Variants in CAV1 observed in about 807,000 individuals in gnomAD.
The protein encoded by CAV1 is caveolin 1, also known as caveolin-1.
A neutral mutation model predicts 16.5 loss-of-function variants in CAV1; 10 were observed. That is an observed-to-expected ratio of 0.61 (90% confidence interval 0.37 to 1.03). The LOEUF (loss-of-function observed/expected upper bound fraction) is 1.03, where lower values mean the gene tolerates loss of function less well. Ranked by LOEUF, CAV1 falls within the 50% of genes least tolerant of loss-of-function variation. The probability of loss-of-function intolerance (pLI) is 0.01; values close to 1 mark genes in which losing one functional copy is unlikely to be tolerated. For synonymous variants in CAV1, 76 were observed against 85.1 expected (o/e 0.89, Z 0.59); for missense variants, 212 against 232.8 (o/e 0.91, Z 0.58).
chr7:116,551,205 C>T lies in CAV1; in HGVS notation c.196-7741C>T, dbSNP rs539213331. On this transcript the variant is annotated intron_variant, in intron 2 of 2. Coordinates refer to ENST00000341049, the MANE Select transcript of CAV1 (RefSeq NM_001753.5). Reference sequence around the variant, plus strand: ...GAATCTGCATTTTAACAAGCACCTTCACCAGGTGATCCTTTTGCTGAGAAC... The same window carrying T: ...GAATCTGCATTTTAACAAGCACCTTTACCAGGTGATCCTTTTGCTGAGAAC... Among the ~76,000 whole-genome samples the T allele has an allele frequency of 4.6e-4, 70 of 152,318 alleles. 1 individual carries two copies. Among genetic ancestry groups the T allele is most frequent in the African/African-American group, 1.7e-3 (70 of 41,586 alleles).
intron 2 of CAV1, among the ~76,000 whole-genome samples, chr7:116,555,522 GAGAGAGAGAGAGAGAGAGAGA>G (rs1562838244): frequency 9.9e-3 from 53 of 5,354 alleles, no homozygotes; most frequent in South Asian, 0.039. Flanking sequence ...GAAAGAAAGA[GAGAGAGAGAGAGAGAGAGAGA>G]GAAAGAAAGA....
chr7:116,535,019 T>G (rs1247180221), intron 2 of CAV1, among the ~76,000 whole-genome samples: 1 of 152,164 alleles, frequency 6.6e-6, no homozygotes, highest in African/African-American at 2.4e-5. Context: ...TTCAGGCTAC[T>G]TGGGCTTAAA....
chr7:116,558,812 G>A lies in CAV1; in HGVS notation c.196-134G>A, dbSNP rs147961362. The stretch of plus-strand genomic sequence containing the variant: ...AGTTCCAAGTGATGCTGATGCTGCT[G>A]GTTGCCTTTAAGCATCTCACAAAGA... On this transcript the variant is annotated intron_variant, in intron 2 of 2. Transcript: ENST00000341049. 4.5e-4 allele frequency: 310 copies of A among 685,366 alleles called. 1 individual carries two copies. In the East Asian group the frequency reaches 7.6e-3, roughly 17 times the overall value. The allele number at this position is 685,366 out of a possible 1,614,324, so 42.5% of individuals were successfully genotyped here.
At chr7:116,527,633 C>T (rs903620903) in intron 2 of CAV1, among the ~76,000 whole-genome samples, 1 of 152,150 alleles carries the variant, frequency 6.6e-6, no homozygotes, top group African/African-American at 2.4e-5. Flanking sequence ...TGGGCTAGAG[C>T]CATCCTTGGC....
intron 2 of CAV1, among the ~76,000 whole-genome samples, chr7:116,535,640 G>A (rs1793795740): frequency 6.6e-6 from 1 of 152,212 alleles, no homozygotes; most frequent in Non-Finnish European, 1.5e-5. Context: ...CACAGGCTAT[G>A]CAACTACCAA....
chr7:116,547,446 A>ATC (rs1794073978), intron 2 of CAV1, among the ~76,000 whole-genome samples: 1 of 152,238 alleles, frequency 6.6e-6, no homozygotes, highest in Non-Finnish European at 1.5e-5. Flanking sequence ...AATCCAAAGC[A>ATC]AAGAGAGTGG....
At chr7:116,548,291 C>T (rs187782698) in intron 2 of CAV1, among the ~76,000 whole-genome samples, 7 of 152,264 alleles carry the variant, frequency 4.6e-5, no homozygotes, top group South Asian at 4.1e-4. Context: ...ATAAGGGGAA[C>T]GTACAATGTT....
chr7:116,538,149 A>G (rs1262487211), intron 2 of CAV1, among the ~76,000 whole-genome samples: 1 of 152,230 alleles, frequency 6.6e-6, no homozygotes, highest in African/African-American at 2.4e-5. Context: ...TTCTACAGAC[A>G]TTTGTGGGAC....
rs1049334 is a variant in CAV1, at chr7:116,560,326, G to A, written c.*1039G>A. The A allele has an allele frequency of 0.087, 13,209 of 152,532 alleles. 727 individuals are homozygous for A. Among genetic ancestry groups the A allele is most frequent in the East Asian group, 0.21 (1,086 of 5,164 alleles). 9.4% of individuals were successfully genotyped at this position (152,532 alleles called of 1,614,324 possible). On this transcript the variant is annotated 3_prime_UTR_variant, in exon 3 of 3. Transcript: ENST00000341049. ...CCTGAATCCAAACTAATCCATCACC[G>A]GGGTGGTTTAGTGGCTCAACATTGT...
chr7:116,545,957 C>T (rs1358202344), intron 2 of CAV1, among the ~76,000 whole-genome samples: 1 of 152,182 alleles, frequency 6.6e-6, no homozygotes, highest in Non-Finnish European at 1.5e-5. Context: ...GATTTTCATA[C>T]ATTAAACAAG....
chr7:116,537,413 A>T (rs1214564748), intron 2 of CAV1, among the ~76,000 whole-genome samples: 1 of 152,126 alleles, frequency 6.6e-6, no homozygotes, highest in Non-Finnish European at 1.5e-5. Flanking sequence ...AGTGACAAAG[A>T]TCATTTTACT....
At chr7:116,537,645 G>A (rs1250741865) in intron 2 of CAV1, among the ~76,000 whole-genome samples, 1 of 152,178 alleles carries the variant, frequency 6.6e-6, no homozygotes, top group Non-Finnish European at 1.5e-5. Flanking sequence ...GAAGCCATTG[G>A]TGTGGCCACA....
At chr7:116,529,416 C>T (rs1047155724) in intron 2 of CAV1, among the ~76,000 whole-genome samples, 2 of 152,164 alleles carry the variant, frequency 1.3e-5, no homozygotes, top group African/African-American at 4.8e-5. Context: ...AAATTCAGTT[C>T]CTTAGTCACA....
chr7:116,532,068 C>T (rs117388882), intron 2 of CAV1, among the ~76,000 whole-genome samples: 3,491 of 152,240 alleles, frequency 0.023, 63 homozygotes, highest in Middle Eastern at 0.044. Context: ...CAAAAAACTT[C>T]GGTTTTAACT....
intron 1 of CAV1, 31 bp downstream of exon 1, chr7:116,525,123 G>A: frequency 6.2e-7 from 1 of 1,614,200 alleles, no homozygotes; most frequent in South Asian, 1.1e-5. Context: ...GCCGGCTCGG[G>A]CGTGCGGGGA....
intron 2 of CAV1, among the ~76,000 whole-genome samples, chr7:116,555,596 GAAAGAAAGAGAAAGAAAGAAA>G (rs1794274698): frequency 3.7e-5 from 3 of 81,904 alleles, no homozygotes; most frequent in African/African-American, 5.0e-5. Flanking sequence ...AAGAAAGAAA[GAAAGAAAGAGAAAGAAAGAAA>G]GAAGGGAGGG....
chr7:116,544,214 G>A (rs907353940), intron 2 of CAV1, among the ~76,000 whole-genome samples: 2 of 152,142 alleles, frequency 1.3e-5, no homozygotes, highest in Non-Finnish European at 2.9e-5. Flanking sequence ...GCCTGGATTA[G>A]AATAAATAAA....
rs1289483952 is a variant in CAV1, at chr7:116,529,086, T to A, written c.195+2397T>A. 2.0e-5 allele frequency among the ~76,000 whole-genome samples: 3 copies of A among 152,114 alleles called. No homozygotes were observed. In the East Asian group the frequency reaches 5.8e-4, roughly 29 times the overall value. Reference sequence around the variant, plus strand: ...CTCAAGTGATCCACTGGTCTTGGCCTCCCAAAGTGTTGGGATTACAGATGT... The same window carrying A: ...CTCAAGTGATCCACTGGTCTTGGCCACCCAAAGTGTTGGGATTACAGATGT... On this transcript the variant is annotated intron_variant, in intron 2 of 2. Transcript: ENST00000341049.
At chr7:116,556,311 G>A (rs2116098698) in intron 2 of CAV1, among the ~76,000 whole-genome samples, 1 of 152,322 alleles carries the variant, frequency 6.6e-6, no homozygotes, top group African/African-American at 2.4e-5. Context: ...CAAAGAACAT[G>A]CCGGGAGAAT....
Sources: gnomAD v4.1 joint callset for allele counts (sites outside exome capture counted in the v4.1 genomes callset) on GRCh38, gnomAD v4.1.1 for gene constraint, MANE v1.5 for transcripts, NCBI Gene and HGNC (gene_info 2026-07-23, HGNC 2026-07-21) for gene names.